FAN1: variants seen among roughly 807,000 people sequenced by gnomAD.
The protein encoded by FAN1 is FANCD2 and FANCI associated nuclease 1, also known as fanconi-associated nuclease 1.
FAN1 carries 91 observed loss-of-function variants against 104.9 expected under a neutral mutation model. The observed-to-expected ratio is 0.87, with a 90% CI of 0.73 to 1.03. The LOEUF (loss-of-function observed/expected upper bound fraction) is 1.03, where lower values mean the gene tolerates loss of function less well. Among genes scored for constraint, FAN1 ranks in the 50% least tolerant of loss-of-function variants. The probability of loss-of-function intolerance (pLI) is 0.00; values close to 1 mark genes in which losing one functional copy is unlikely to be tolerated. For missense variants in FAN1, 1,263 were observed against 1,239.9 expected (o/e 1.02, Z -0.28); for synonymous variants, 478 against 457.6 (o/e 1.04, Z -0.57).
At chr15:30,934,033 C>T (rs935505302) in intron 13 of FAN1, among the ~76,000 whole-genome samples, 2 of 152,002 alleles carry the variant, frequency 1.3e-5, no homozygotes, top group Non-Finnish European at 2.9e-5. Flanking sequence ...TATACCGTGC[C>T]CAGCCAATTT....
Position 30,925,920 on chromosome 15 carries a change from AC to A in FAN1, c.2470del (p.Arg824AlafsTer66). Reference sequence around the variant, plus strand: ...AGGAGCTGGCACTGGCCCATTACAGACGCAGCGGTTTTGACCAGGGTAACTG... The same window carrying A: ...AGGAGCTGGCACTGGCCCATTACAGAGCAGCGGTTTTGACCAGGGTAACTG... ...VEELALAHYRRSGFDQGIHGE... is the reference protein window; with the variant it reads ...VEELALAHYRXSGFDQGIHGE... On this transcript the variant is annotated frameshift_variant, in exon 10 of 15. Transcript: ENST00000362065. LOFTEE classifies it high-confidence loss of function. 2 of 1,614,210 alleles carry A rather than the reference AC, an allele frequency of 1.2e-6. No homozygotes were observed. The highest frequency in any genetic ancestry group is 1.7e-6 in the Non-Finnish European group (2 of 1,180,034).
At chr15:30,937,006 A>G in intron 13 of FAN1, 113 bp from the exon 14 acceptor site, 3 of 800,524 alleles carry the variant, frequency 3.7e-6, no homozygotes, top group Non-Finnish European at 6.2e-6. Flanking sequence ...TTACAAATAC[A>G]GTGAGAGAGC....
At position 30,920,573 on chromosome 15, in the gene FAN1, C is replaced by T. The variant is rs140501687; in HGVS notation, c.1972C>T (p.Arg658Trp). ...CCACGAAGATTTACCACTCTTCCTG[C>T]GGTGTTTCACTGTTGGGTGGATTTA... ...RCHEDLPLFLRCFTVGWIYTR... is the reference protein window; with the variant it reads ...RCHEDLPLFLWCFTVGWIYTR... The change falls in exon 7 of 15, where the codon CGG becomes TGG. Residue 658 changes from arginine (R) to tryptophan (W), a missense_variant. By Grantham distance (101) the Arg-to-Trp change is moderately radical (BLOSUM62 -3). This residue lies in a region of FAN1 where 581 missense variants were observed against 668.8 expected (regional missense o/e 0.87). Coordinates refer to ENST00000362065, the MANE Select transcript of FAN1 (RefSeq NM_014967.5). The T allele has an allele frequency of 4.8e-5, 77 of 1,610,394 alleles. No individual in the cohort carries two copies. Among genetic ancestry groups the T allele is most frequent in the Admixed American group, 1.7e-4 (10 of 59,512 alleles).
Position 30,929,316 on chromosome 15 carries a change from G to T in FAN1, c.2706G>T (p.Val902=), listed in dbSNP as rs2062553231. 2 of 1,612,484 alleles carry T rather than the reference G, an allele frequency of 1.2e-6. No individual in the cohort carries two copies. Among genetic ancestry groups the T allele is most frequent in the Non-Finnish European group, 1.7e-6 (2 of 1,179,358 alleles). The change falls in exon 12 of 15, where the codon GTG becomes GTT. Residue 902 remains valine, a synonymous_variant. Transcript: ENST00000362065. ...CCGAGGAGAGCCTGCGGGCCTGGGTGGCAGCCACGTGGCATGAGCAGGAAG... is the reference window on the plus strand; with the variant it reads ...CCGAGGAGAGCCTGCGGGCCTGGGTTGCAGCCACGTGGCATGAGCAGGAAG... ...DAPEESLRAW[V]AATWHEQEGR...
chr15:30,939,705 A>AAAAC lies in FAN1; in HGVS notation c.*4-1859_*4-1856dup, dbSNP rs2062974430. 3 of 972,628 alleles carry AAAAC rather than the reference A, an allele frequency of 3.1e-6. No individual in the cohort carries two copies. The African/African-American group carries it at 5.3e-5, about 17-fold the overall frequency. 60.2% of individuals were successfully genotyped at this position (972,628 alleles called of 1,614,324 possible). A position where few individuals can be genotyped will look rare whatever the true frequency, so the allele number is the denominator to read the frequency against. The stretch of plus-strand genomic sequence containing the variant: ...TTACAGAGGGAAAAATGCTCAATCC[A>AAAAC]AAACATTTAGTAATAATAAAAAAGC... On this transcript the variant is annotated intron_variant, in intron 14 of 14. Coordinates refer to ENST00000362065, the MANE Select transcript of FAN1 (RefSeq NM_014967.5).
intron 8 of FAN1, among the ~76,000 whole-genome samples, chr15:30,924,886 C>T (rs548913933): frequency 1.3e-5 from 2 of 152,298 alleles, no homozygotes; most frequent in South Asian, 2.1e-4. Flanking sequence ...ATCCACTGTC[C>T]ACCTGGATTA....
In FAN1 at chr15:30,915,987, T is replaced by C. The variant is rs548133984; in HGVS notation, c.1811+1896T>C. Among the ~76,000 whole-genome samples the C allele has an allele frequency of 2.0e-5, 3 of 152,346 alleles. No individual in the cohort carries two copies. In the East Asian group the frequency reaches 5.8e-4, roughly 29 times the overall value. ...CTGTGTTTCTAGGAAAGCCAGGTGC[T>C]TTAAGAAGTAAGTTATTGAAATTTT... On this transcript the variant is annotated intron_variant, in intron 5 of 14. Transcript: ENST00000362065.
intron 6 of FAN1, among the ~76,000 whole-genome samples, 148 bp from the exon 7 acceptor site, chr15:30,920,381 CTGTGAGAATGTAGGTT>C (rs1170705227): frequency 4.6e-5 from 7 of 152,136 alleles, no homozygotes; most frequent in Non-Finnish European, 1.0e-4. Context: ...TGGTAGCTGG[CTGTGAGAATGTAGGTT>C]TGTGGTGTAG....
At chr15:30,912,237 C>T (rs1364458180) in intron 4 of FAN1, among the ~76,000 whole-genome samples, 3 of 152,192 alleles carry the variant, frequency 2.0e-5, no homozygotes, top group Admixed American at 6.6e-5. Context: ...TCCTTTATTT[C>T]TTCATTCTGA....
chr15:30,940,738 A>C (rs1259569252), intron 14 of FAN1: 6 of 989,704 alleles, frequency 6.1e-6, no homozygotes, highest in Non-Finnish European at 7.2e-6. Flanking sequence ...GCCTATTTCA[A>C]ATATGCAATG....
intron 8 of FAN1, among the ~76,000 whole-genome samples, chr15:30,923,288 G>A (rs1269683192): frequency 6.6e-6 from 1 of 152,176 alleles, no homozygotes; most frequent in African/African-American, 2.4e-5. Context: ...TGTTTACTGA[G>A]GCTGAAATAG....
rs763988467 is a variant in FAN1 at position 30,904,986 on chromosome 15, A to G, written c.323A>G (p.Asn108Ser). 1.9e-6 allele frequency: 3 copies of G among 1,614,118 alleles called. No homozygotes were observed. Among genetic ancestry groups the G allele is most frequent in the East Asian group, 4.5e-5 (2 of 44,878 alleles). Residue 108 changes from asparagine to serine, a missense_variant, in exon 2 of 15, where the codon AAT becomes AGT. This residue lies in a region of FAN1 where 682 missense variants were observed against 571.1 expected (regional missense o/e 1.19). Transcript: ENST00000362065. ...AAGAAGTCACCACCACCAAAGACAA[A>G]TTTAACCCCTGGCCAAAGTGATTCA... ...TPKKSPPPKT[N>S]LTPGQSDSAK...
rs767301970 is a variant in FAN1 at position 30,941,739 on chromosome 15, C to A, written c.*177C>A. On this transcript the variant is annotated 3_prime_UTR_variant, in exon 15 of 15. Coordinates refer to ENST00000362065, the MANE Select transcript of FAN1 (RefSeq NM_014967.5). ...CGCAGCATCCTGCTCAGTACGTCGA[C>A]TTCATCAGCCAGGAGGGAGAGCTTG... is the stretch of plus-strand genomic sequence containing the variant. 2 of 1,613,878 alleles carry A rather than the reference C, an allele frequency of 1.2e-6. No homozygotes were observed. The highest frequency in any genetic ancestry group is 1.1e-5 in the South Asian group (1 of 91,084).
Position 30,942,862 on chromosome 15 carries a change from A to C in FAN1, c.*1300A>C, listed in dbSNP as rs1273074595. 2 of 1,541,740 alleles carry C rather than the reference A, an allele frequency of 1.3e-6. No individual in the cohort carries two copies. The highest frequency in any genetic ancestry group is 1.8e-6 in the Non-Finnish European group (2 of 1,140,148). ...GAGGTGTTTGGTTACGTGTGAGCCA[A>C]CATCACGTTTTGTTAGCTGTGATTT... On this transcript the variant is annotated 3_prime_UTR_variant, in exon 15 of 15. Coordinates refer to ENST00000362065, the MANE Select transcript of FAN1 (RefSeq NM_014967.5).
chr15:30,929,409 C>A lies in FAN1; in HGVS notation c.2787+12C>A, dbSNP rs747420520. 1.3e-6 allele frequency: 2 copies of A among 1,581,922 alleles called. No homozygotes were observed. Among genetic ancestry groups the A allele is most frequent in the East Asian group, 2.3e-5 (1 of 43,796 alleles). The stretch of plus-strand genomic sequence containing the variant: ...TTCAGCAAGCTCAGGTAATGGTTCA[C>A]CTGCATGGCAGGATTTGCTCAGAAA... On this transcript the variant is annotated intron_variant, in intron 12 of 14. Coordinates refer to ENST00000362065, the MANE Select transcript of FAN1 (RefSeq NM_014967.5).
At chr15:30,925,700 G>A in intron 9 of FAN1, 89 bp from the exon 10 acceptor site, 1 of 1,420,210 alleles carries the variant, frequency 7.0e-7, no homozygotes, top group South Asian at 1.3e-5. Flanking sequence ...TTTGTGGTAA[G>A]GGAGGTCAAT....
chr15:30,904,414 C>G (rs1264654155), intron 1 of FAN1, 98 bp from the exon 2 acceptor site: 1 of 574,822 alleles, frequency 1.7e-6, no homozygotes, highest in Admixed American at 3.0e-5. Context: ...GTTGTCTCCT[C>G]GTTACAGGAG....
At chr15:30,907,555 C>CA (rs1000952816) in intron 2 of FAN1, among the ~76,000 whole-genome samples, 8 of 150,976 alleles carry the variant, frequency 5.3e-5, no homozygotes, top group South Asian at 2.1e-4. Context: ...AAAAAACAAC[C>CA]AAAAAAAACA....
intron 14 of FAN1, chr15:30,941,358 C>CTATT (rs2063045873): frequency 6.5e-7 from 1 of 1,536,836 alleles, no homozygotes; most frequent in Non-Finnish European, 8.7e-7. Context: ...CAAATTCCAA[C>CTATT]TATTATTCTT....
Sources: allele counts gnomAD v4.1 joint callset (sites outside exome capture counted in the v4.1 genomes callset), GRCh38; gene constraint gnomAD v4.1.1; regional missense constraint gnomAD v4.1.1; transcripts MANE v1.5; gene names NCBI Gene and HGNC (gene_info 2026-07-23, HGNC 2026-07-21).